The following TLL2 variants were observed in gnomAD, a reference collection of about 807,000 sequenced individuals.
TLL2 encodes the protein tolloid like 2.
In TLL2, 106 loss-of-function variants were observed where a neutral mutation model predicts 123.0. The ratio of observed to expected loss-of-function variants is 0.86; its 90% CI spans 0.74 to 1.01. TLL2 has a LOEUF of 1.01. Ranked by LOEUF, TLL2 falls within the 50% of genes least tolerant of loss-of-function variation. The pLI is 0.00. For missense variants in TLL2, 1,332 were observed against 1,336.7 expected (o/e 1.00, Z 0.06); for synonymous variants, 494 against 516.8 (o/e 0.96, Z 0.60).
intron 2 of TLL2, among the ~76,000 whole-genome samples, chr10:96,460,559 A>T (rs1168392556): frequency 2.0e-5 from 3 of 152,100 alleles, no homozygotes; most frequent in Non-Finnish European, 2.9e-5. Context: ...TGCTGTTCTC[A>T]TGATAGTGAG....
At chr10:96,381,889 T>C (rs1439385590) in intron 16 of TLL2, among the ~76,000 whole-genome samples, 2 of 152,174 alleles carry the variant, frequency 1.3e-5, no homozygotes, top group African/African-American at 4.8e-5. Context: ...TGGGTATCTA[T>C]AAAATCAACA....
chr10:96,479,562 C>T (rs970659526), intron 2 of TLL2, among the ~76,000 whole-genome samples: 2 of 152,242 alleles, frequency 1.3e-5, no homozygotes. Flanking sequence ...AGGAACCCAG[C>T]ACCCCAAGGG....
chr10:96,459,672 A>C (rs1432744697), intron 2 of TLL2, among the ~76,000 whole-genome samples: 1 of 14,270 alleles, frequency 7.0e-5, no homozygotes, highest in East Asian at 2.6e-3. Context: ...CCTGTTTCAA[A>C]AAAAAAAAAA....
chr10:96,404,077 A>G (rs11517048), intron 10 of TLL2, among the ~76,000 whole-genome samples: 14,314 of 151,592 alleles, frequency 0.094, 808 homozygotes, highest in Middle Eastern at 0.16. Flanking sequence ...AAATAATGAA[A>G]ATAATAATCA....
intron 3 of TLL2, among the ~76,000 whole-genome samples, chr10:96,439,706 T>C (rs1846832665): frequency 6.6e-6 from 1 of 152,210 alleles, no homozygotes; most frequent in Non-Finnish European, 1.5e-5. Context: ...CTCATCTAGT[T>C]GGTCATATTT....
intron 2 of TLL2, among the ~76,000 whole-genome samples, chr10:96,459,162 T>C (rs1029735920): frequency 2.0e-5 from 3 of 152,168 alleles, no homozygotes; most frequent in Admixed American, 1.3e-4. Context: ...AACGAAGTTA[T>C]GGGTTTAATG....
chr10:96,372,152 C>T (rs1846090309), intron 19 of TLL2, among the ~76,000 whole-genome samples: 2 of 152,224 alleles, frequency 1.3e-5, no homozygotes, highest in Admixed American at 1.3e-4. Context: ...GGCTTTTAAA[C>T]TTCCCTGTAG....
intron 2 of TLL2, among the ~76,000 whole-genome samples, chr10:96,447,769 A>T (rs752313620): frequency 2.0e-5 from 3 of 152,204 alleles, no homozygotes; most frequent in Non-Finnish European, 4.4e-5. Context: ...TCAGTTTCCC[A>T]GTCTCCCCTT....
chr10:96,467,761 T>C (rs1180794592), intron 2 of TLL2, among the ~76,000 whole-genome samples: 1 of 152,056 alleles, frequency 6.6e-6, no homozygotes, highest in Non-Finnish European at 1.5e-5. Flanking sequence ...CAAAAATACA[T>C]ACACAGTTTA....
At chr10:96,493,924 C>T (rs1208821285) in intron 1 of TLL2, among the ~76,000 whole-genome samples, 1 of 152,142 alleles carries the variant, frequency 6.6e-6, no homozygotes, top group Non-Finnish European at 1.5e-5. Context: ...AACGACTAGC[C>T]CAAGTTGACA....
At chr10:96,460,519 T>G (rs886602115) in intron 2 of TLL2, among the ~76,000 whole-genome samples, 1 of 152,162 alleles carries the variant, frequency 6.6e-6, no homozygotes, top group Non-Finnish European at 1.5e-5. Flanking sequence ...TGGTGGGGTG[T>G]GATTGGATCA....
chr10:96,446,578 T>C (rs1351235840), intron 2 of TLL2, among the ~76,000 whole-genome samples: 2 of 152,124 alleles, frequency 1.3e-5, no homozygotes, highest in African/African-American at 4.8e-5. Context: ...CAGGGAGATG[T>C]GCCCAGTGCT....
rs141583678 is a variant in TLL2 at position 96,403,952 on chromosome 10, C to T, written c.1267+1280G>A. On this transcript the variant is annotated intron_variant, in intron 10 of 20. Transcript: ENST00000357947. ...CATAAATCTGGCCTACGTGCACATC[C>T]AGGCATAGTACCTTCCCTTGAACTT... Among the ~76,000 whole-genome samples the T allele has an allele frequency of 4.7e-3, 646 of 136,884 alleles. 3 individuals carry two copies. The highest frequency in any genetic ancestry group is 0.014 in the African/African-American group (502 of 36,690). The allele number at this position is 136,884 out of a possible 152,430, so 89.8% of individuals were successfully genotyped here.
intron 7 of TLL2, among the ~76,000 whole-genome samples, chr10:96,414,573 C>G (rs1445619142): frequency 6.6e-6 from 1 of 152,162 alleles, no homozygotes; most frequent in East Asian, 1.9e-4. Flanking sequence ...TCTGTCCTCT[C>G]TCTCCATATT....
intron 5 of TLL2, among the ~76,000 whole-genome samples, chr10:96,426,611 A>AT (rs1190485556): frequency 6.6e-6 from 1 of 152,076 alleles, no homozygotes; most frequent in African/African-American, 2.4e-5. Context: ...CCAGTACTTT[A>AT]TTTTTACCTT....
intron 18 of TLL2, 24 bp downstream of exon 18, chr10:96,376,668 C>T (rs1846140276): frequency 6.2e-7 from 1 of 1,609,050 alleles, no homozygotes; most frequent in African/African-American, 1.3e-5. Flanking sequence ...TCCACATTCT[C>T]AATAAACTAC....
chr10:96,492,982 C>T (rs777352235), intron 1 of TLL2, among the ~76,000 whole-genome samples: 1 of 152,224 alleles, frequency 6.6e-6, no homozygotes, highest in African/African-American at 2.4e-5. Context: ...CCTTCCATCA[C>T]GTCCCCATTG....
rs777719377 is a variant in TLL2, at chr10:96,422,627, C to T, written c.739G>A (p.Val247Met). ...GTGTGTTCATGCCAAAACCCAACCACATGGCCCAGCTCGTGAGCCACAATG... is the reference window on the plus strand; with the variant it reads ...GTGTGTTCATGCCAAAACCCAACCATATGGCCCAGCTCGTGAGCCACAATG... ...FGIVAHELGH[V>M]VGFWHEHTRP... The change falls in exon 6 of 21, where the codon GTG becomes ATG. Residue 247 changes from valine to methionine, a missense_variant. Transcript: ENST00000357947. 1 of 1,614,202 alleles carries T rather than the reference C, an allele frequency of 6.2e-7. No individual in the cohort carries two copies. The highest frequency in any genetic ancestry group is 8.5e-7 in the Non-Finnish European group (1 of 1,180,028).
chr10:96,371,534 C>T (rs1433477314), intron 19 of TLL2, among the ~76,000 whole-genome samples: 4 of 152,180 alleles, frequency 2.6e-5, no homozygotes, highest in Admixed American at 6.5e-5. Context: ...CCCTGCCTGG[C>T]CCCGGTCCTG....
Sources: allele counts gnomAD v4.1 joint callset (sites outside exome capture counted in the v4.1 genomes callset), GRCh38; gene constraint gnomAD v4.1.1; transcripts MANE v1.5; gene names NCBI Gene and HGNC (gene_info 2026-07-23, HGNC 2026-07-21).